MAP1B: variants seen among roughly 807,000 people sequenced by gnomAD.
MAP1B encodes the protein microtubule associated protein 1B.
MAP1B carries 12 observed loss-of-function variants against 176.1 expected under a neutral mutation model. That is an observed-to-expected ratio of 0.07 (90% CI 0.04 to 0.11). The LOEUF (loss-of-function observed/expected upper bound fraction) is 0.11, where lower values mean the gene tolerates loss of function less well. Among genes scored for constraint, MAP1B ranks in the 10% least tolerant of loss-of-function variants. MAP1B has a pLI of 1.00. For synonymous variants in MAP1B, 1,044 were observed against 1,135.0 expected, an observed-to-expected ratio of 0.92 and a Z score of 1.61; for missense variants, 2,523 against 2,990.5, an observed-to-expected ratio of 0.84 and a Z score of 3.65.
rs140865469 is a variant in MAP1B, at chr5:72,173,629, C to A, written c.287-10114C>A. On this transcript the variant is annotated intron_variant, in intron 2 of 6. Transcript: ENST00000296755. ...AATACTGCACAGGGCACCTGGCACA[C>A]CACAGGGTTTCATCACAACAAAAAT... Among the ~76,000 whole-genome samples, 1,076 of 152,320 alleles carry A rather than the reference C, an allele frequency of 7.1e-3. 15 individuals are homozygous for A. Among genetic ancestry groups the A allele is most frequent in the African/African-American group, 0.025 (1,022 of 41,564 alleles).
At position 72,205,107 on chromosome 5, in the gene MAP1B, C is replaced by G. The variant is rs766514429; in HGVS notation, c.7275C>G (p.Asp2425Glu). The G allele has an allele frequency of 1.9e-6, 3 of 1,613,388 alleles. No homozygotes were observed. The highest frequency in any genetic ancestry group is 1.3e-5 in the African/African-American group (1 of 74,826). ...AGGTGACACTGATCCCAACTCATGA[C>G]TCAGAAGTGATGAGGGAATGGTACC... ...NMQVTLIPTH[D>E]SEVMREWYQE... Residue 2425 changes from aspartate to glutamate, a missense_variant, in exon 7 of 7, where the codon GAC becomes GAG. This residue lies in a region of MAP1B where 287 missense variants were observed against 401.5 expected (regional missense o/e 0.71). Transcript: ENST00000296755.
At chr5:72,183,554 G>T (rs1320677616) in intron 2 of MAP1B, among the ~76,000 whole-genome samples, 189 bp from the exon 3 acceptor site, 1 of 152,208 alleles carries the variant, frequency 6.6e-6, no homozygotes, top group Non-Finnish European at 1.5e-5. Flanking sequence ...GCCTGGGGAG[G>T]AACCTACTAG....
rs996326045 is a variant in MAP1B, at chr5:72,196,895, T to C, written c.3540T>C (p.Val1180=). 6.2e-7 allele frequency: 1 copy of C among 1,614,250 alleles called. No individual in the cohort carries two copies. The highest frequency in any genetic ancestry group is 8.5e-7 in the Non-Finnish European group (1 of 1,180,042). Residue 1180 remains valine, a synonymous_variant, in exon 5 of 7, where the codon GTT becomes GTC. Coordinates refer to ENST00000296755, the MANE Select transcript of MAP1B (RefSeq NM_005909.5). The surrounding 1 kb of genome is among the most constrained non-coding windows in gnomAD (Gnocchi z 5.3). ...AGGAATACTCTAAACCTGCTGATGT[T>C]ACACCGCTCAACGGATTTTCTGAAG... ...YSQEYSKPAD[V]TPLNGFSEGS...
rs1745959242 is a variant in MAP1B at position 72,142,160 on chromosome 5, C to T, written c.286+26361C>T. On this transcript the variant is annotated intron_variant, in intron 2 of 6. Coordinates refer to ENST00000296755, the MANE Select transcript of MAP1B (RefSeq NM_005909.5). ...CTCCCCATCTGGGCTTGGTGCCCAC[C>T]CTGTGACCCTCACTCTTCCTACTTC... 2.6e-5 allele frequency among the ~76,000 whole-genome samples: 4 copies of T among 152,314 alleles called. 1 individual carries two copies. Among genetic ancestry groups the T allele is most frequent in the African/African-American group, 9.6e-5 (4 of 41,586 alleles).
intron 5 of MAP1B, among the ~76,000 whole-genome samples, chr5:72,202,223 G>T (rs576142504): frequency 3.9e-5 from 6 of 152,314 alleles, no homozygotes; most frequent in African/African-American, 1.2e-4. Flanking sequence ...GATGTTGATG[G>T]TAGTGATTTA....
At chr5:72,140,410 A>G (rs1229650326) in intron 2 of MAP1B, among the ~76,000 whole-genome samples, 1 of 152,234 alleles carries the variant, frequency 6.6e-6, no homozygotes, top group East Asian at 1.9e-4. Context: ...TTTATTCTAT[A>G]CTATTAAGAA....
At chr5:72,107,793 G>GATA in intron 1 of MAP1B, 78 bp downstream of exon 1, 1 of 1,482,290 alleles carries the variant, frequency 6.7e-7, no homozygotes, top group Non-Finnish European at 9.2e-7. Context: ...GACGGTCACT[G>GATA]CGCTCCTCCC....
rs190090864 is a variant in MAP1B at position 72,115,660 on chromosome 5, A to G, written c.185-38A>G. 4.3e-4 allele frequency: 482 copies of G among 1,119,324 alleles called. 5 individuals carry two copies. In the Admixed American group the frequency reaches 7.7e-3, roughly 18 times the overall value. 69.3% of individuals were successfully genotyped at this position (1,119,324 alleles called of 1,614,324 possible). A position where few individuals can be genotyped will look rare whatever the true frequency, so the allele number is the denominator to read the frequency against. On this transcript the variant is annotated intron_variant, in intron 1 of 6. Coordinates refer to ENST00000296755, the MANE Select transcript of MAP1B (RefSeq NM_005909.5). ...TGTCCAAACCACTCTGAAATGACTAACTGGAAGTCTCTCAACTGTCTTTCT... is the reference window on the plus strand; with the variant it reads ...TGTCCAAACCACTCTGAAATGACTAGCTGGAAGTCTCTCAACTGTCTTTCT...
Position 72,197,523 on chromosome 5 carries a change from C to T in MAP1B, c.4168C>T (p.Pro1390Ser). The part of the protein sequence containing the change: ...MDEPVPDSES[P>S]IEKVLSPLRS... ...TGAGCCCGTGCCTGACTCAGAGTCT[C>T]CTATTGAAAAAGTTTTGTCTCCTTT... Residue 1390 changes from proline (P) to serine (S), a missense_variant, in exon 5 of 7, where the codon CCT becomes TCT. Coordinates refer to ENST00000296755, the MANE Select transcript of MAP1B (RefSeq NM_005909.5). 6.2e-7 allele frequency: 1 copy of T among 1,614,150 alleles called. No individual in the cohort carries two copies. Among genetic ancestry groups the T allele is most frequent in the Non-Finnish European group, 8.5e-7 (1 of 1,180,020 alleles).
At chr5:72,108,127 C>A (rs1745155927) in intron 1 of MAP1B, among the ~76,000 whole-genome samples, 1 of 152,248 alleles carries the variant, frequency 6.6e-6, no homozygotes, top group Admixed American at 6.5e-5. Flanking sequence ...ACCCCCACCA[C>A]CGCAGACCTG....
Position 72,195,024 on chromosome 5 carries a change from G to T in MAP1B, c.1669G>T (p.Val557Leu), listed in dbSNP as rs374708245. The change falls in exon 5 of 7, where the codon GTG (valine) becomes TTG (leucine). Residue 557 changes from valine to leucine, a missense_variant. Physicochemically the swap from Val to Leu is conservative, Grantham distance 32 (BLOSUM62 1). This residue lies in a region of MAP1B where 1,925 missense variants were observed against 2,126.0 expected (regional missense o/e 0.91). Transcript: ENST00000296755. Reference protein sequence around the residue: ...PAAKPLPSKSVRKESKEETPE... With the variant: ...PAAKPLPSKSLRKESKEETPE... Reference sequence around the variant, plus strand: ...CGCAAAACCACTTCCTAGCAAATCCGTGCGCAAGGAGTCAAAAGAAGAAAC... The same window carrying T: ...CGCAAAACCACTTCCTAGCAAATCCTTGCGCAAGGAGTCAAAAGAAGAAAC... The T allele has an allele frequency of 1.9e-6, 3 of 1,613,896 alleles. No individual in the cohort carries two copies. The highest frequency in any genetic ancestry group is 2.2e-5 in the East Asian group (1 of 44,874).
chr5:72,122,042 C>T (rs1745539156), intron 2 of MAP1B, among the ~76,000 whole-genome samples: 1 of 152,202 alleles, frequency 6.6e-6, no homozygotes, highest in Admixed American at 6.5e-5. Flanking sequence ...ATTGCATCAT[C>T]ATACAAGGTT....
At chr5:72,128,348 G>C (rs1745665344) in intron 2 of MAP1B, among the ~76,000 whole-genome samples, 1 of 151,188 alleles carries the variant, frequency 6.6e-6, no homozygotes, top group Non-Finnish European at 1.5e-5. Context: ...TATAGAACAA[G>C]GAATATCCCT....
At chr5:72,149,858 C>T (rs1018044225) in intron 2 of MAP1B, among the ~76,000 whole-genome samples, 40 of 152,360 alleles carry the variant, frequency 2.6e-4, no homozygotes, top group African/African-American at 9.1e-4. Context: ...AAGTGTATTC[C>T]TCAAAGCTGG....
chr5:72,173,022 C>A (rs1361071786), intron 2 of MAP1B, among the ~76,000 whole-genome samples: 1 of 152,200 alleles, frequency 6.6e-6, no homozygotes, highest in Non-Finnish European at 1.5e-5. Context: ...GGTCTCCATC[C>A]CAGTTCCGCT....
At chr5:72,115,617 G>T (rs1745418312) in intron 1 of MAP1B, 81 bp from the exon 2 acceptor site, 4 of 831,860 alleles carry the variant, frequency 4.8e-6, no homozygotes, top group Non-Finnish European at 8.5e-6. Flanking sequence ...GAAAGCCTGA[G>T]AAATATTACA....
chr5:72,155,766 CTT>C (rs11330287), intron 2 of MAP1B, among the ~76,000 whole-genome samples: 19 of 126,542 alleles, frequency 1.5e-4, no homozygotes, highest in Admixed American at 1.7e-4. Flanking sequence ...ATTTTCTTTT[CTT>C]TTTTTTTTTT....
In MAP1B at chr5:72,163,993, G is replaced by GTA. The variant is rs1197416378; in HGVS notation, c.287-19750_287-19749insTA. ...CTGTCACCCAGACTGGAGTACAGTGGCACAATCAGGGCTAACTGCAGCCTT... is the reference window on the plus strand; with the variant it reads ...CTGTCACCCAGACTGGAGTACAGTGGTACACAATCAGGGCTAACTGCAGCCTT... On this transcript the variant is annotated intron_variant, in intron 2 of 6. Coordinates refer to ENST00000296755, the MANE Select transcript of MAP1B (RefSeq NM_005909.5). 3.2e-5 allele frequency among the ~76,000 whole-genome samples: 4 copies of GTA among 123,254 alleles called. No individual in the cohort carries two copies. In the Admixed American group the frequency reaches 4.2e-4, roughly 13 times the overall value. The allele number at this position is 123,254 out of a possible 152,430, so 80.9% of individuals were successfully genotyped here. A position where few individuals can be genotyped will look rare whatever the true frequency, so the allele number is the denominator to read the frequency against.
chr5:72,108,298 C>T (rs986362074), intron 1 of MAP1B, among the ~76,000 whole-genome samples: 2 of 152,238 alleles, frequency 1.3e-5, no homozygotes, highest in Admixed American at 6.5e-5. Context: ...CCGCCCCCCC[C>T]TCCCCGGGGA....
Sources: allele counts gnomAD v4.1 joint callset (sites outside exome capture counted in the v4.1 genomes callset), GRCh38; gene constraint gnomAD v4.1.1; regional missense constraint gnomAD v4.1.1; non-coding constraint Gnocchi (gnomAD v3.1); transcripts MANE v1.5; gene names NCBI Gene and HGNC (gene_info 2026-07-23, HGNC 2026-07-21).